Variants in MTMR3 observed in about 807,000 individuals in gnomAD.
MTMR3 encodes the protein myotubularin related protein 3.
In MTMR3, 32 loss-of-function variants were observed where a neutral mutation model predicts 132.4. The ratio of observed to expected loss-of-function variants is 0.24; its 90% CI spans 0.18 to 0.32. The LOEUF (loss-of-function observed/expected upper bound fraction) is 0.32. Ranked by LOEUF, MTMR3 falls within the 10% of genes least tolerant of loss-of-function variation. The probability of loss-of-function intolerance (pLI) is 1.00; values close to 1 mark genes in which losing one functional copy is unlikely to be tolerated. For missense variants in MTMR3, 1,216 were observed against 1,489.6 expected, an observed-to-expected ratio of 0.82 and a Z score of 3.02; for synonymous variants, 556 against 550.3, an observed-to-expected ratio of 1.01 and a Z score of -0.14.
Position 30,007,143 on chromosome 22 carries a change from G to A in MTMR3, c.701G>A (p.Arg234His), listed in dbSNP as rs1391804249. ...RHQSNGAVIA[R>H]CGQPEVSWWG... is the part of the protein sequence containing the mutation. ...CAGAGCAATGGAGCTGTCATTGCCC[G>A]CTGTGGACAGCCAGAGGTTAGCTGG... is the stretch of plus-strand genomic sequence containing the variant. The change falls in exon 10 of 20, where the codon CGC becomes CAC. Residue 234 changes from arginine (R) to histidine (H), a missense_variant. This residue lies in a region of MTMR3 where 129 missense variants were observed against 245.7 expected (regional missense o/e 0.53). Coordinates refer to ENST00000401950, the MANE Select transcript of MTMR3 (RefSeq NM_021090.4). 1 of 1,613,954 alleles carries A rather than the reference G, an allele frequency of 6.2e-7. No homozygotes were observed. The highest frequency in any genetic ancestry group is 8.5e-7 in the Non-Finnish European group (1 of 1,179,990).
chr22:29,971,172 T>A, intron 3 of MTMR3, 110 bp downstream of exon 3: 1 of 1,131,354 alleles, frequency 8.8e-7, no homozygotes, highest in East Asian at 2.5e-5. Context: ...TGTAAGAAAT[T>A]ATTTCTTTTT....
intron 2 of MTMR3, among the ~76,000 whole-genome samples, chr22:29,970,119 CT>C (rs2145870282): frequency 6.6e-6 from 1 of 152,186 alleles, no homozygotes; most frequent in African/African-American, 2.4e-5. Context: ...TTCTTTCCCC[CT>C]TTTTTGTTCT....
chr22:29,955,758 C>G (rs924602392), intron 1 of MTMR3, among the ~76,000 whole-genome samples: 2 of 150,468 alleles, frequency 1.3e-5, no homozygotes, highest in African/African-American at 2.4e-5. Flanking sequence ...CTTTTTTTTT[C>G]TTTTCTTTTT....
At chr22:29,928,865 A>C (rs2065581957) in intron 1 of MTMR3, among the ~76,000 whole-genome samples, 1 of 152,168 alleles carries the variant, frequency 6.6e-6, no homozygotes, top group South Asian at 2.1e-4. Context: ...CTTTGTTGAA[A>C]TATATCAAGG....
chr22:29,885,199 G>C (rs2064648579), intron 1 of MTMR3, among the ~76,000 whole-genome samples: 1 of 152,136 alleles, frequency 6.6e-6, no homozygotes, highest in Non-Finnish European at 1.5e-5. Context: ...TGAGGATAGA[G>C]CCTGGGGATC....
intron 1 of MTMR3, among the ~76,000 whole-genome samples, chr22:29,896,539 GCA>G (rs1489191741): frequency 6.6e-6 from 1 of 152,032 alleles, no homozygotes; most frequent in Non-Finnish European, 1.5e-5. Context: ...AACCACCACT[GCA>G]CAGTTTCTGG....
chr22:29,979,661 G>A (rs979587328), intron 5 of MTMR3: 10 of 152,524 alleles, frequency 6.6e-5, no homozygotes, highest in African/African-American at 2.2e-4. Context: ...AGGTATAAAG[G>A]CTGAATGGGC....
At chr22:30,000,948 CTG>C (rs756437978) in intron 8 of MTMR3, 10 of 152,170 alleles carry the variant, frequency 6.6e-5, no homozygotes, top group South Asian at 2.1e-4. Context: ...TAAAAAAAAA[CTG>C]TGAATTAAGA....
intron 1 of MTMR3, among the ~76,000 whole-genome samples, chr22:29,889,994 C>T (rs2064763288): frequency 6.7e-6 from 1 of 149,028 alleles, no homozygotes; most frequent in South Asian, 2.1e-4. Flanking sequence ...GCAGCCTCTG[C>T]CTCCCGGGTT....
intron 1 of MTMR3, among the ~76,000 whole-genome samples, chr22:29,931,702 C>A (rs2065648094): frequency 6.6e-6 from 1 of 152,054 alleles, no homozygotes; most frequent in South Asian, 2.1e-4. Context: ...CATGAGCCAC[C>A]ACACCTGGCT....
intron 1 of MTMR3, among the ~76,000 whole-genome samples, chr22:29,897,382 T>A (rs1226534768): frequency 6.6e-6 from 1 of 152,044 alleles, no homozygotes; most frequent in Non-Finnish European, 1.5e-5. Flanking sequence ...GCCCATTCAG[T>A]AGATTTAATA....
intron 1 of MTMR3, among the ~76,000 whole-genome samples, chr22:29,904,718 T>C (rs2065062962): frequency 6.6e-6 from 1 of 152,140 alleles, no homozygotes; most frequent in African/African-American, 2.4e-5. Flanking sequence ...TGAAAGACAA[T>C]AAATGTAAGA....
At chr22:29,998,963 G>T in intron 8 of MTMR3, 106 bp downstream of exon 8, 1 of 652,412 alleles carries the variant, frequency 1.5e-6, no homozygotes, top group Non-Finnish European at 2.5e-6. Flanking sequence ...ATTTGAAATG[G>T]TTTTATTTAT....
chr22:29,907,459 C>T (rs192810610), intron 1 of MTMR3, among the ~76,000 whole-genome samples: 1 of 143,182 alleles, frequency 7.0e-6, no homozygotes, highest in Admixed American at 6.7e-5. Flanking sequence ...ATTACTAAAG[C>T]TACTTACTAA....
At position 30,025,643 on chromosome 22, in the gene MTMR3, G is replaced by C; in HGVS notation, c.3439G>C (p.Val1147Leu). 6.2e-7 allele frequency: 1 copy of C among 1,614,194 alleles called. No individual in the cohort carries two copies. The highest frequency in any genetic ancestry group is 8.5e-7 in the Non-Finnish European group (1 of 1,180,024). ...TCTCATCTCAAGGAATTGTGGGAAC[G>C]TATTCTGCTCCAGTTGTTGTAACCA... Reference protein sequence around the residue: ...RKHHCRNCGNVFCSSCCNQKV... With the variant: ...RKHHCRNCGNLFCSSCCNQKV... The change falls in exon 20 of 20, where the codon GTA becomes CTA. Residue 1147 changes from valine (V) to leucine (L), a missense_variant. Physicochemically the swap from Val to Leu is conservative, Grantham distance 32. Around this residue, in one of 7 missense-constraint regions of MTMR3, gnomAD observed 852 missense variants for 852.0 expected, o/e 1.00. Transcript: ENST00000401950.
At chr22:29,986,497 T>G (rs968412798) in intron 5 of MTMR3, 3 of 751,242 alleles carry the variant, frequency 4.0e-6, no homozygotes, top group South Asian at 6.2e-5. Context: ...ATTGTAGGTT[T>G]GTTTGTTTTT....
intron 2 of MTMR3, among the ~76,000 whole-genome samples, chr22:29,963,662 A>G (rs2066358185): frequency 6.6e-6 from 1 of 152,066 alleles, no homozygotes; most frequent in Non-Finnish European, 1.5e-5. Context: ...CTGGGATTAC[A>G]GGTGTGAGCC....
At chr22:29,958,819 G>A (rs1219090191) in intron 2 of MTMR3, among the ~76,000 whole-genome samples, 1 of 152,176 alleles carries the variant, frequency 6.6e-6, no homozygotes, top group Non-Finnish European at 1.5e-5. Context: ...AACACTCCTA[G>A]ACTCCTGGGA....
chr22:29,908,278 A>C (rs1476822688), intron 1 of MTMR3, among the ~76,000 whole-genome samples: 1 of 152,216 alleles, frequency 6.6e-6, no homozygotes, highest in African/African-American at 2.4e-5. Flanking sequence ...GAGCTAAGGG[A>C]ATATACATAG....
Sources: allele counts gnomAD v4.1 joint callset (sites outside exome capture counted in the v4.1 genomes callset), GRCh38; gene constraint gnomAD v4.1.1; regional missense constraint gnomAD v4.1.1; transcripts MANE v1.5; gene names NCBI Gene and HGNC (gene_info 2026-07-23, HGNC 2026-07-21).